Variants in AFF3 observed in about 807,000 individuals in gnomAD.
The protein encoded by AFF3 is AF4/FMR2 family member 3.
Under a neutral mutation model 129.7 loss-of-function variants are expected in AFF3, and 32 were observed. The observed-to-expected ratio is 0.25, with a 90% CI of 0.19 to 0.33. The LOEUF (loss-of-function observed/expected upper bound fraction) is 0.33, where lower values mean the gene tolerates loss of function less well. Ranked by LOEUF, AFF3 falls within the 10% of genes least tolerant of loss-of-function variation. The pLI is 1.00. For missense variants in AFF3, 1,373 were observed against 1,592.0 expected, an observed-to-expected ratio of 0.86 and a Z score of 2.34; for synonymous variants, 644 against 635.4, an observed-to-expected ratio of 1.01 and a Z score of -0.20.
chr2:100,083,557 A>T (rs1398626490), intron 4 of AFF3, among the ~76,000 whole-genome samples: 4 of 152,158 alleles, frequency 2.6e-5, no homozygotes, highest in Non-Finnish European at 5.9e-5. Context: ...CTCACAAAGC[A>T]ATAGAGTTCT....
intron 8 of AFF3, among the ~76,000 whole-genome samples, chr2:99,808,008 C>CA (rs1686488222): frequency 6.6e-6 from 1 of 152,096 alleles, no homozygotes. Flanking sequence ...CAGCCATACC[C>CA]ATCACCATAG....
At chr2:99,554,656 G>A (rs1160330648) in intron 23 of AFF3, 27 bp downstream of exon 23, 2 of 1,613,982 alleles carry the variant, frequency 1.2e-6, no homozygotes, top group African/African-American at 1.3e-5. Context: ...CTGGCTTACG[G>A]CATTGACTTT....
At chr2:99,757,940 A>G (rs749564045) in intron 8 of AFF3, among the ~76,000 whole-genome samples, 3 of 152,102 alleles carry the variant, frequency 2.0e-5, no homozygotes, top group Non-Finnish European at 4.4e-5. Flanking sequence ...TATTGTGGTT[A>G]CTTGTTTATA....
At chr2:99,593,167 C>A in intron 15 of AFF3, 28 bp downstream of exon 15, 1 of 1,542,472 alleles carries the variant, frequency 6.5e-7, no homozygotes, top group Non-Finnish European at 8.7e-7. Flanking sequence ...CCTCCACGCC[C>A]CCGCACCCCA....
At chr2:99,836,626 A>C (rs184214369) in intron 8 of AFF3, among the ~76,000 whole-genome samples, 509 of 152,232 alleles carry the variant, frequency 3.3e-3, no homozygotes, top group Middle Eastern at 0.01. Flanking sequence ...AACCCAAGTA[A>C]TTGTATTACT....
At chr2:99,938,083 T>C (rs920273772) in intron 7 of AFF3, among the ~76,000 whole-genome samples, 21 of 152,188 alleles carry the variant, frequency 1.4e-4, no homozygotes, top group African/African-American at 5.1e-4. Context: ...TCAGTTAAAA[T>C]ACCTACTCTT....
At chr2:99,695,938 G>GAAAAAAAAAAAAAAAAAAAAAAA (rs10719354) in intron 11 of AFF3, among the ~76,000 whole-genome samples, 1 of 57,648 alleles carries the variant, frequency 1.7e-5, no homozygotes, top group Non-Finnish European at 2.9e-5. Flanking sequence ...CTGGAAAAAT[G>GAAAAAAAAAAAAAAAAAAAAAAA]AAAAAAAAAA....
chr2:99,933,173 TTC>T (rs1674203244), intron 7 of AFF3, among the ~76,000 whole-genome samples: 1 of 152,246 alleles, frequency 6.6e-6, no homozygotes, highest in South Asian at 2.1e-4. Context: ...AAAACTTAAT[TTC>T]TCTGTCTTTG....
chr2:99,921,003 T>C (rs185701502), intron 7 of AFF3, among the ~76,000 whole-genome samples: 1 of 152,192 alleles, frequency 6.6e-6, no homozygotes, highest in Non-Finnish European at 1.5e-5. Context: ...TGGAGGGATA[T>C]ACCATGCATG....
chr2:99,734,102 T>G (rs1422971830), intron 10 of AFF3, among the ~76,000 whole-genome samples: 1 of 152,210 alleles, frequency 6.6e-6, no homozygotes, highest in Admixed American at 6.5e-5. Flanking sequence ...CTTAACGTAT[T>G]TCAATAGTTT....
intron 4 of AFF3, among the ~76,000 whole-genome samples, chr2:100,074,974 C>A (rs567558842): frequency 6.6e-6 from 1 of 152,234 alleles, no homozygotes; most frequent in South Asian, 2.1e-4. Flanking sequence ...TTAAAAGGAC[C>A]ATTACAGGAT....
intron 12 of AFF3, among the ~76,000 whole-genome samples, chr2:99,666,853 A>G (rs1686717966): frequency 6.6e-6 from 1 of 152,188 alleles, no homozygotes; most frequent in Non-Finnish European, 1.5e-5. Flanking sequence ...AAGAAAATAT[A>G]GCAATCCTAA....
chr2:99,823,577 T>C (rs1687848334), intron 8 of AFF3, among the ~76,000 whole-genome samples: 1 of 152,190 alleles, frequency 6.6e-6, no homozygotes, highest in South Asian at 2.1e-4. Context: ...ATAAGCATGC[T>C]GATCATATGA....
At chr2:99,855,326 T>G (rs1276182157) in intron 7 of AFF3, among the ~76,000 whole-genome samples, 1 of 152,158 alleles carries the variant, frequency 6.6e-6, no homozygotes. Flanking sequence ...GAGTTATGTC[T>G]TATAAAGCTG....
At chr2:99,878,543 A>C (rs1003571182) in intron 7 of AFF3, among the ~76,000 whole-genome samples, 1 of 152,246 alleles carries the variant, frequency 6.6e-6, no homozygotes, top group Non-Finnish European at 1.5e-5. Context: ...TAAGGGAAAA[A>C]AATTTCAGGT....
intron 7 of AFF3, among the ~76,000 whole-genome samples, chr2:99,870,788 T>A (rs10193040): frequency 2.0e-3 from 299 of 152,332 alleles, no homozygotes; most frequent in African/African-American, 6.7e-3. Context: ...AATTTGACAA[T>A]TTATCAACTA....
In AFF3 at chr2:99,809,548, CA is replaced by C. The variant is rs1300625400; in HGVS notation, c.921+27928del. On this transcript the variant is annotated intron_variant, in intron 8 of 24. Transcript: ENST00000672756. ...AGTGAATTGGAAAGCTGGAATTTAA[CA>C]CTAAGCCTGTCTGTCCTCAGAGCCA... Among the ~76,000 whole-genome samples, 6 of 152,324 alleles carry C rather than the reference CA, an allele frequency of 3.9e-5. No homozygotes were observed. In the South Asian group the frequency reaches 8.3e-4, roughly 21 times the overall value.
At chr2:100,029,182 G>A (rs1195883610) in intron 4 of AFF3, among the ~76,000 whole-genome samples, 5 of 152,196 alleles carry the variant, frequency 3.3e-5, no homozygotes, top group Non-Finnish European at 5.9e-5. Flanking sequence ...AGTATCTACT[G>A]TATTTGGAGA....
chr2:99,609,575 A>T (rs1680715254), intron 13 of AFF3, among the ~76,000 whole-genome samples: 2 of 152,220 alleles, frequency 1.3e-5, no homozygotes, highest in African/African-American at 4.8e-5. Context: ...CGTTTTCATG[A>T]CTGAATAGTA....
Sources: allele counts gnomAD v4.1 joint callset (sites outside exome capture counted in the v4.1 genomes callset), GRCh38; gene constraint gnomAD v4.1.1; transcripts MANE v1.5; gene names NCBI Gene and HGNC (gene_info 2026-07-23, HGNC 2026-07-21).